GPATCH2: variants seen among roughly 807,000 people sequenced by gnomAD.
GPATCH2 encodes the protein G patch domain-containing protein 2.
A neutral mutation model predicts 58.0 loss-of-function variants in GPATCH2; 51 were observed. The observed-to-expected ratio is 0.88, with a 90% CI of 0.70 to 1.11. The LOEUF is 1.11. GPATCH2 is among the 50% of genes most tolerant of loss of function. The probability of loss-of-function intolerance (pLI) is 0.00; values close to 1 mark genes in which losing one functional copy is unlikely to be tolerated. For missense variants in GPATCH2, 625 were observed against 652.2 expected (o/e 0.96, Z 0.45); for synonymous variants, 222 against 218.5 (o/e 1.02, Z -0.14).
intron 9 of GPATCH2, among the ~76,000 whole-genome samples, chr1:217,440,496 T>A (rs1206507118): frequency 1.3e-5 from 2 of 152,142 alleles, no homozygotes; most frequent in South Asian, 4.1e-4. Context: ...AACATAGTAG[T>A]GGAAGTTCTG....
intron 8 of GPATCH2, among the ~76,000 whole-genome samples, chr1:217,480,275 C>T (rs112641746): frequency 4.0e-5 from 6 of 151,848 alleles, no homozygotes; most frequent in Admixed American, 1.3e-4. Flanking sequence ...AAATAAGGAG[C>T]TCAAACAACT....
chr1:217,529,047 T>C (rs540206792), intron 5 of GPATCH2, among the ~76,000 whole-genome samples: 3 of 152,194 alleles, frequency 2.0e-5, no homozygotes, highest in Admixed American at 6.5e-5. Flanking sequence ...GACAGACAGA[T>C]GATGCATGGA....
At chr1:217,577,605 T>TATATA (rs1666863878) in intron 5 of GPATCH2, among the ~76,000 whole-genome samples, 1 of 152,190 alleles carries the variant, frequency 6.6e-6, no homozygotes, top group Non-Finnish European at 1.5e-5. Context: ...CTATTTTGTC[T>TATATA]ACAGAAAAAA....
In GPATCH2 at chr1:217,609,317, A is replaced by C. The variant is rs867788808; in HGVS notation, c.1098+1004T>G. On this transcript the variant is annotated intron_variant, in intron 5 of 9. Coordinates refer to ENST00000366935, the MANE Select transcript of GPATCH2 (RefSeq NM_018040.5). ...AGCAGCTCTCACTTTTAAACATGAC[A>C]ATATGATTCAGAATCACACAGCATT... 8 of 985,212 alleles carry C rather than the reference A, an allele frequency of 8.1e-6. No homozygotes were observed. In the African/African-American group the frequency reaches 1.4e-4, roughly 17 times the overall value. 61.0% of individuals were successfully genotyped at this position (985,212 alleles called of 1,614,324 possible).
At chr1:217,592,706 T>G (rs2102770977) in intron 5 of GPATCH2, among the ~76,000 whole-genome samples, 1 of 152,000 alleles carries the variant, frequency 6.6e-6, no homozygotes, top group East Asian at 1.9e-4. Context: ...CATGTATATT[T>G]AGAGATTAAA....
intron 5 of GPATCH2, among the ~76,000 whole-genome samples, chr1:217,525,062 T>A (rs1663816335): frequency 6.6e-6 from 1 of 151,200 alleles, no homozygotes; most frequent in Non-Finnish European, 1.5e-5. Context: ...CTTCATCCTT[T>A]ACCCAATCTA....
At chr1:217,549,062 C>A (rs1665216494) in intron 5 of GPATCH2, among the ~76,000 whole-genome samples, 1 of 152,218 alleles carries the variant, frequency 6.6e-6, no homozygotes, top group Middle Eastern at 3.4e-3. Context: ...TATACTGTTG[C>A]TTGTTCTTTT....
At chr1:217,498,079 T>C (rs893123039) in intron 7 of GPATCH2, 2 of 553,502 alleles carry the variant, frequency 3.6e-6, no homozygotes, top group Non-Finnish European at 6.5e-6. Flanking sequence ...TAAAGATCAA[T>C]AGTGAGGTCC....
chr1:217,581,065 G>A (rs1486733846), intron 5 of GPATCH2, among the ~76,000 whole-genome samples: 1 of 150,450 alleles, frequency 6.6e-6, no homozygotes, highest in Non-Finnish European at 1.5e-5. Context: ...TTCCTCCCAC[G>A]ACTTATTAAA....
chr1:217,621,963 G>T (rs1422306437), intron 1 of GPATCH2, among the ~76,000 whole-genome samples: 1 of 152,136 alleles, frequency 6.6e-6, no homozygotes, highest in East Asian at 1.9e-4. Context: ...CACAAAGGCC[G>T]AAAGATCTCT....
rs78490084 is a variant in GPATCH2, at chr1:217,515,768, T to TAA, written c.1099-881_1099-880dup. Reference sequence around the variant, plus strand: ...TCTTTATAATAGTGTAAATATCCTTTAAAAAAAAAAAAGACCAGTGACTTA... The same window carrying TAA: ...TCTTTATAATAGTGTAAATATCCTTTAAAAAAAAAAAAAAGACCAGTGACTTA... On this transcript the variant is annotated intron_variant, in intron 5 of 9. Coordinates refer to ENST00000366935, the MANE Select transcript of GPATCH2 (RefSeq NM_018040.5). Among the ~76,000 whole-genome samples the TAA allele has an allele frequency of 6.0e-5, 8 of 134,372 alleles. 1 individual carries two copies. The Admixed American group carries it at 6.3e-4, about 11-fold the overall frequency. 88.2% of individuals were successfully genotyped at this position (134,372 alleles called of 152,430 possible). A position where few individuals can be genotyped will look rare whatever the true frequency, so the allele number is the denominator to read the frequency against.
At chr1:217,546,879 T>A (rs182546761) in intron 5 of GPATCH2, among the ~76,000 whole-genome samples, 2 of 152,190 alleles carry the variant, frequency 1.3e-5, no homozygotes, top group Admixed American at 1.3e-4. Flanking sequence ...TGTAAGGAAC[T>A]TAAACAAATT....
chr1:217,470,063 C>A (rs1251709494), intron 8 of GPATCH2, among the ~76,000 whole-genome samples: 1 of 152,080 alleles, frequency 6.6e-6, no homozygotes, highest in Non-Finnish European at 1.5e-5. Flanking sequence ...GTGATATGGG[C>A]CTGCAGGTGT....
chr1:217,489,038 A>AG (rs1661590595), intron 8 of GPATCH2, among the ~76,000 whole-genome samples: 1 of 151,388 alleles, frequency 6.6e-6, no homozygotes, highest in Admixed American at 6.6e-5. Flanking sequence ...TGTATGATTC[A>AG]ATTGTCTAAT....
chr1:217,431,222 T>C lies in GPATCH2; in HGVS notation c.1510A>G (p.Lys504Glu), dbSNP rs369330034. The C allele has an allele frequency of 1.7e-5, 28 of 1,611,572 alleles. No individual in the cohort carries two copies. Among genetic ancestry groups the C allele is most frequent in the Non-Finnish European group, 2.2e-5 (26 of 1,177,768 alleles). ...SEPIQAMQRP[K>E]GLGLGFPLPK... ...AGAGGAAATCCAAGTCCTAATCCCTTTGGCCTCTGCATGGCTTGAATTGGC... is the reference window on the plus strand; with the variant it reads ...AGAGGAAATCCAAGTCCTAATCCCTCTGGCCTCTGCATGGCTTGAATTGGC... Residue 504 changes from lysine to glutamate, a missense_variant, in exon 10 of 10, where the codon AAG (lysine) becomes GAG (glutamate). By Grantham distance (56) the Lys-to-Glu change is moderately conservative. Transcript: ENST00000366935.
chr1:217,561,742 C>T (rs1398940176), intron 5 of GPATCH2, among the ~76,000 whole-genome samples: 1 of 152,134 alleles, frequency 6.6e-6, no homozygotes, highest in Non-Finnish European at 1.5e-5. Flanking sequence ...ATCATCACCA[C>T]TGTTTTCATC....
At chr1:217,607,400 T>C (rs1668412784) in intron 5 of GPATCH2, among the ~76,000 whole-genome samples, 1 of 152,172 alleles carries the variant, frequency 6.6e-6, no homozygotes, top group African/African-American at 2.4e-5. Flanking sequence ...TGGGTGATTA[T>C]TCTGTTTTAA....
chr1:217,465,137 G>A (rs1223871003), intron 8 of GPATCH2, among the ~76,000 whole-genome samples: 1 of 151,948 alleles, frequency 6.6e-6, no homozygotes, highest in East Asian at 1.9e-4. Context: ...AAAAGGAACA[G>A]AGGAGTGAGC....
intron 8 of GPATCH2, among the ~76,000 whole-genome samples, chr1:217,491,304 CATTT>C (rs1344464517): frequency 6.6e-6 from 1 of 152,074 alleles, no homozygotes; most frequent in Admixed American, 6.6e-5. Context: ...AGTCTTTACT[CATTT>C]ATATGTTATT....
Sources: allele counts gnomAD v4.1 joint callset (sites outside exome capture counted in the v4.1 genomes callset), GRCh38; gene constraint gnomAD v4.1.1; transcripts MANE v1.5; gene names NCBI Gene and HGNC (gene_info 2026-07-23, HGNC 2026-07-21).